THSD7B: variants seen among roughly 807,000 people sequenced by gnomAD.
THSD7B encodes thrombospondin type-1 domain-containing protein 7B.
THSD7B carries 138 observed loss-of-function variants against 213.6 expected under a neutral mutation model. The ratio of observed to expected loss-of-function variants is 0.65; its 90% confidence interval spans 0.56 to 0.74. THSD7B has a LOEUF of 0.74. Among genes scored for constraint, THSD7B ranks in the 30% least tolerant of loss-of-function variants. The probability of loss-of-function intolerance (pLI) is 0.00; values close to 1 mark genes in which losing one functional copy is unlikely to be tolerated. For missense variants in THSD7B, 1,931 were observed against 1,991.5 expected, an observed-to-expected ratio of 0.97 and a Z score of 0.58; for synonymous variants, 742 against 687.0, an observed-to-expected ratio of 1.08 and a Z score of -1.25.
intron 14 of THSD7B, among the ~76,000 whole-genome samples, chr2:137,445,110 A>C (rs1471008359): frequency 1.3e-5 from 2 of 151,980 alleles, no homozygotes; most frequent in African/African-American, 4.8e-5. Flanking sequence ...GAAACTAACA[A>C]ACTCTAGTGA....
At chr2:136,786,498 A>G (rs542014224) in intron 1 of THSD7B, among the ~76,000 whole-genome samples, 47 of 152,188 alleles carry the variant, frequency 3.1e-4, no homozygotes, top group Admixed American at 1.3e-3. Flanking sequence ...TGTGAAATAT[A>G]TCACCTCCTG....
At chr2:137,301,796 A>G (rs1683608523) in intron 12 of THSD7B, among the ~76,000 whole-genome samples, 1 of 152,092 alleles carries the variant, frequency 6.6e-6, no homozygotes, top group Non-Finnish European at 1.5e-5. Context: ...AGAAAAAATC[A>G]GGAGAAGAAC....
In THSD7B at chr2:137,231,236, G is replaced by A. The variant is rs370293333; in HGVS notation, c.1915+1G>A. On this transcript the variant is annotated splice_donor_variant, in intron 8 of 27. Transcript: ENST00000409968. LOFTEE classifies it high-confidence loss of function. ...ACTATCCTGGCACTGGCTGGGGAAG[G>A]TGAGTAACAGAAAAGGTTTTCACTT... 17 of 1,600,760 alleles carry A rather than the reference G, an allele frequency of 1.1e-5. No homozygotes were observed. The highest frequency in any genetic ancestry group is 2.6e-6 in the Non-Finnish European group (3 of 1,172,676).
rs1470577498 is a variant in THSD7B at position 136,993,946 on chromosome 2, T to C, written c.140-62474T>C. On this transcript the variant is annotated intron_variant, in intron 2 of 27. Transcript: ENST00000409968. The stretch of plus-strand genomic sequence containing the variant: ...ATTTATATTTGTGTATATATGTTTA[T>C]ACATACATGTTATAGAAAACAATGA... Among the ~76,000 whole-genome samples, 3 of 152,240 alleles carry C rather than the reference T, an allele frequency of 2.0e-5. No homozygotes were observed. The East Asian group carries it at 5.8e-4, about 29-fold the overall frequency.
At chr2:136,860,483 A>G (rs1230429763) in intron 1 of THSD7B, among the ~76,000 whole-genome samples, 1 of 152,080 alleles carries the variant, frequency 6.6e-6, no homozygotes, top group South Asian at 2.1e-4. Context: ...TATTCTTCCT[A>G]TTCTAAATCT....
intron 15 of THSD7B, among the ~76,000 whole-genome samples, chr2:137,515,307 G>A (rs115656177): frequency 0.012 from 1,827 of 152,200 alleles, 15 homozygotes; most frequent in Non-Finnish European, 0.019. Flanking sequence ...TGCTGCCATC[G>A]CCTTTCCACC....
chr2:137,057,849 A>G (rs1687200497), intron 3 of THSD7B, among the ~76,000 whole-genome samples: 1 of 152,230 alleles, frequency 6.6e-6, no homozygotes, highest in Admixed American at 6.5e-5. Flanking sequence ...AAACTATTAA[A>G]GCAACAGCTT....
intron 12 of THSD7B, among the ~76,000 whole-genome samples, chr2:137,310,223 G>A (rs1222489857): frequency 6.6e-6 from 1 of 152,102 alleles, no homozygotes; most frequent in Non-Finnish European, 1.5e-5. Context: ...TTATCTCACT[G>A]TGGTTTTGAT....
At chr2:137,170,165 T>A (rs1318859647) in intron 6 of THSD7B, among the ~76,000 whole-genome samples, 3 of 152,140 alleles carry the variant, frequency 2.0e-5, no homozygotes, top group Non-Finnish European at 2.9e-5. Context: ...ACACTTTTTT[T>A]AAACATAATA....
intron 1 of THSD7B, among the ~76,000 whole-genome samples, chr2:136,836,697 C>T (rs1224391797): frequency 6.6e-6 from 1 of 152,120 alleles, no homozygotes; most frequent in African/African-American, 2.4e-5. Context: ...GCTGTAAATG[C>T]CATCTACATG....
chr2:137,027,407 A>G (rs970531060), intron 2 of THSD7B, among the ~76,000 whole-genome samples: 12 of 152,148 alleles, frequency 7.9e-5, no homozygotes, highest in Non-Finnish European at 1.6e-4. Context: ...AGAAGGAGAA[A>G]AAGAAGATCG....
At chr2:136,811,907 T>A (rs1682382932) in intron 1 of THSD7B, among the ~76,000 whole-genome samples, 1 of 152,118 alleles carries the variant, frequency 6.6e-6, no homozygotes, top group African/African-American at 2.4e-5. Flanking sequence ...CCATACTCAT[T>A]GATGTTACCT....
At chr2:136,808,137 C>T (rs1682317255) in intron 1 of THSD7B, among the ~76,000 whole-genome samples, 1 of 152,206 alleles carries the variant, frequency 6.6e-6, no homozygotes, top group African/African-American at 2.4e-5. Context: ...CTTACTTGTT[C>T]AATCCAAATA....
At chr2:137,582,735 A>G (rs1681609223) in intron 17 of THSD7B, among the ~76,000 whole-genome samples, 1 of 151,992 alleles carries the variant, frequency 6.6e-6, no homozygotes, top group Admixed American at 6.6e-5. Context: ...AATCCAGTCT[A>G]TCATTGTTGG....
chr2:136,797,988 A>G (rs1027126664), intron 1 of THSD7B, among the ~76,000 whole-genome samples: 1 of 151,970 alleles, frequency 6.6e-6, no homozygotes, highest in Non-Finnish European at 1.5e-5. Context: ...ATAATTCTAG[A>G]CAAGTATCTA....
intron 15 of THSD7B, among the ~76,000 whole-genome samples, chr2:137,508,495 G>A (rs1679887667): frequency 6.8e-6 from 1 of 146,382 alleles, no homozygotes; most frequent in African/African-American, 2.5e-5. Context: ...TCCTGCCTCT[G>A]CCTCCCGAGT....
At chr2:136,804,434 A>G (rs1240293944) in intron 1 of THSD7B, among the ~76,000 whole-genome samples, 1 of 144,028 alleles carries the variant, frequency 6.9e-6, no homozygotes, top group Non-Finnish European at 1.5e-5. Context: ...ACACACACAC[A>G]CACACCCTTA....
rs558644497 is a variant in THSD7B, at chr2:136,954,899, T to C, written c.139+72582T>C. Among the ~76,000 whole-genome samples the C allele has an allele frequency of 6.0e-4, 92 of 152,076 alleles. 1 individual carries two copies. The highest frequency in any genetic ancestry group is 9.7e-4 in the Non-Finnish European group (66 of 67,984). On this transcript the variant is annotated intron_variant, in intron 2 of 27. Transcript: ENST00000409968. Reference sequence around the variant, plus strand: ...TATATATAGATACATTTGTTTCTATTTTTTTTACTGAGCATTTGCTTAAAT... The same window carrying C: ...TATATATAGATACATTTGTTTCTATCTTTTTTACTGAGCATTTGCTTAAAT...
intron 20 of THSD7B, among the ~76,000 whole-genome samples, chr2:137,624,074 A>G (rs1682574295): frequency 6.6e-6 from 1 of 152,218 alleles, no homozygotes; most frequent in Admixed American, 6.5e-5. Flanking sequence ...CTGACTTCAA[A>G]CTATACTACA....
Sources: allele counts gnomAD v4.1 joint callset (sites outside exome capture counted in the v4.1 genomes callset), GRCh38; gene constraint gnomAD v4.1.1; transcripts MANE v1.5; gene names NCBI Gene and HGNC (gene_info 2026-07-23, HGNC 2026-07-21).